Variants in HID1 observed in about 807,000 individuals in gnomAD.
The protein encoded by HID1 is HID1 domain containing, also known as protein HID1.
A neutral mutation model predicts 89.7 loss-of-function variants in HID1; 42 were observed. The observed-to-expected ratio is 0.47, with a 90% CI of 0.37 to 0.61. The LOEUF is 0.61. Among genes scored for constraint, HID1 ranks in the 20% least tolerant of loss-of-function variants. HID1 has a pLI of 0.00. For missense variants in HID1, 854 were observed against 1,039.3 expected, an observed-to-expected ratio of 0.82 and a Z score of 2.45; for synonymous variants, 442 against 433.8, an observed-to-expected ratio of 1.02 and a Z score of -0.24.
intron 14 of HID1, among the ~76,000 whole-genome samples, chr17:74,953,929 A>G (rs1482988177): frequency 2.0e-5 from 3 of 150,620 alleles, no homozygotes; most frequent in Non-Finnish European, 4.4e-5. Flanking sequence ...CAGAGTCTAC[A>G]CTCGCCCTGA....
At position 74,963,817 on chromosome 17, in the gene HID1, C is replaced by T. The variant is rs777577968; in HGVS notation, c.310G>A (p.Val104Met). 3.7e-6 allele frequency: 6 copies of T among 1,614,106 alleles called. No individual in the cohort carries two copies. Among genetic ancestry groups the T allele is most frequent in the South Asian group, 1.1e-5 (1 of 91,086 alleles). The stretch of plus-strand genomic sequence containing the variant: ...GGGTCCTCAAAGATGTAGGGCAGCA[C>T]GCGGGTGAGCAGCCGGCTGCAGTTC... ...VLNCSRLLTR[V>M]LPYIFEDPDW... The change falls in exon 3 of 19, where the codon GTG (valine) becomes ATG (methionine). Residue 104 changes from valine to methionine, a missense_variant. Physicochemically the swap from Val to Met is conservative, Grantham distance 21. Transcript: ENST00000425042.
In HID1 at chr17:74,952,885, T is replaced by G. The variant is rs1424288090; in HGVS notation, c.2052+121A>C. ...GGCTTCTATGCTAGGGTCCTTTGAT[T>G]CGGACATCTTGCCATCTTCACTGAG... On this transcript the variant is annotated intron_variant, in intron 16 of 18. Coordinates refer to ENST00000425042, the MANE Select transcript of HID1 (RefSeq NM_030630.3). 9 of 723,356 alleles carry G rather than the reference T, an allele frequency of 1.2e-5. No individual in the cohort carries two copies. The East Asian group carries it at 2.3e-4, about 18-fold the overall frequency. The allele number at this position is 723,356 out of a possible 1,614,324, so 44.8% of individuals were successfully genotyped here.
At chr17:74,969,918 T>C (rs1567966815) in intron 1 of HID1, among the ~76,000 whole-genome samples, 1 of 80,214 alleles carries the variant, frequency 1.2e-5, no homozygotes, top group Non-Finnish European at 2.8e-5. Flanking sequence ...GATTTTTCTT[T>C]TTTCTTTTTT....
At chr17:74,953,199 C>A (rs1432086466) in intron 15 of HID1, 113 bp from the exon 16 acceptor site, 2 of 925,678 alleles carry the variant, frequency 2.2e-6, no homozygotes. Context: ...GGGGAAGGCC[C>A]AGCCCAGCAG....
rs1276490305 is a variant in HID1, at chr17:74,960,074, G to A, written c.903C>T (p.Ser301=). 6.2e-7 allele frequency: 1 copy of A among 1,613,392 alleles called. No individual in the cohort carries two copies. The highest frequency in any genetic ancestry group is 2.2e-5 in the East Asian group (1 of 44,892). Residue 301 remains serine, a synonymous_variant, in exon 7 of 19, where the codon AGC becomes AGT. Transcript: ENST00000425042. Reference sequence around the variant, plus strand: ...CAGTGGTGGTGCCGTCCACAGTGGGGCTGGCACTGCTGGCACTGTCGTGGT... The same window carrying A: ...CAGTGGTGGTGCCGTCCACAGTGGGACTGGCACTGCTGGCACTGTCGTGGT... ...TLDHDSASSA[S]PTVDGTTTGT... is the part of the protein sequence containing the mutation.
rs769201694 is a variant in HID1, at chr17:74,972,635, G to T, written c.22C>A (p.Leu8Met). The T allele has an allele frequency of 6.5e-7, 1 of 1,548,872 alleles. No individual in the cohort carries two copies. Among genetic ancestry groups the T allele is most frequent in the South Asian group, 1.2e-5 (1 of 83,660 alleles). ...TGGATCACCGCCTTCCGGAAGTTCA[G>T]CTTGGAGTCGGTCGACCCCATGTCT... MGSTDSK[L>M]NFRKAVIQLT... Residue 8 changes from leucine (L) to methionine (M), a missense_variant, in exon 1 of 19, where the codon CTG becomes ATG. By Grantham distance (15) the Leu-to-Met change is conservative. Transcript: ENST00000425042. The surrounding 1 kb of genome is among the most constrained non-coding windows in gnomAD (Gnocchi z 6.4).
At chr17:74,964,741 ACCTGCTGGGGTCC>A in intron 1 of HID1, 109 bp from the exon 2 acceptor site, 2 of 1,169,224 alleles carry the variant, frequency 1.7e-6, no homozygotes, top group Non-Finnish European at 2.4e-6. Context: ...GAGTCCCCCT[ACCTGCTGGGGTCC>A]CAGAGCCATC....
intron 16 of HID1, 43 bp downstream of exon 16, chr17:74,952,963 C>T: frequency 2.6e-6 from 4 of 1,510,830 alleles, no homozygotes; most frequent in Non-Finnish European, 3.6e-6. Context: ...ACCATCTGCC[C>T]AAACCCCAGC....
In HID1 at chr17:74,961,849, G is replaced by A. The variant is rs373372729; in HGVS notation, c.728+24C>T. On this transcript the variant is annotated intron_variant, in intron 6 of 18. Coordinates refer to ENST00000425042, the MANE Select transcript of HID1 (RefSeq NM_030630.3). ...TGCCTGGAATAAGAGGGAAGAGAGCGCAGAAAGGCCAAGGGCCCTTCACCT... is the reference window on the plus strand; with the variant it reads ...TGCCTGGAATAAGAGGGAAGAGAGCACAGAAAGGCCAAGGGCCCTTCACCT... The A allele has an allele frequency of 1.1e-5, 15 of 1,364,078 alleles. No homozygotes were observed. In the African/African-American group the frequency reaches 1.8e-4, roughly 17 times the overall value. The allele number at this position is 1,364,078 out of a possible 1,614,324, so 84.5% of individuals were successfully genotyped here. A position where few individuals can be genotyped will look rare whatever the true frequency, so the allele number is the denominator to read the frequency against.
chr17:74,952,288 C>T lies in HID1; in HGVS notation c.2125G>A (p.Glu709Lys). The T allele has an allele frequency of 6.2e-7, 1 of 1,613,676 alleles. No individual in the cohort carries two copies. Among genetic ancestry groups the T allele is most frequent in the Non-Finnish European group, 8.5e-7 (1 of 1,179,806 alleles). Residue 709 changes from glutamate to lysine, a missense_variant, in exon 17 of 19, where the codon GAG becomes AAG. Physicochemically the swap from Glu to Lys is moderately conservative, Grantham distance 56. Coordinates refer to ENST00000425042, the MANE Select transcript of HID1 (RefSeq NM_030630.3). ...ACTCACTTGTCAATGCAGATCTTCT[C>T]CACCTGCGGAACCAGCACCTGCAGC... is the stretch of plus-strand genomic sequence containing the variant. ...RLLQVLVPQV[E>K]KICIDKGLTD... is the part of the protein sequence containing the mutation.
Position 74,955,940 on chromosome 17 carries a change from CTTGAGGTAGGGGG to C in HID1, c.1475_1487del (p.Ser492Ter). On this transcript the variant is annotated frameshift_variant, in exon 13 of 19. Transcript: ENST00000425042. LOFTEE classifies it high-confidence loss of function. ...TGTTGGCAGTCACCATGGACAGGCT[CTTGAGGTAGGGGG>C]ACACTGTAAGGGAGGGGTCAGCTCA... is the stretch of plus-strand genomic sequence containing the variant. 6.2e-7 allele frequency: 1 copy of C among 1,613,960 alleles called. No individual in the cohort carries two copies. The highest frequency in any genetic ancestry group is 8.5e-7 in the Non-Finnish European group (1 of 1,179,932).
chr17:74,951,869 T>C, intron 18 of HID1, 36 bp downstream of exon 18: 1 of 1,482,634 alleles, frequency 6.7e-7, no homozygotes, highest in Non-Finnish European at 9.0e-7. Flanking sequence ...CTGGGCAGGC[T>C]CTCAGGTGGA....
At chr17:74,965,844 G>A (rs985054014) in intron 1 of HID1, among the ~76,000 whole-genome samples, 1 of 151,956 alleles carries the variant, frequency 6.6e-6, no homozygotes, top group Non-Finnish European at 1.5e-5. Flanking sequence ...TTGAACCCAG[G>A]AGGCAGAGGT....
At chr17:74,966,175 C>G (rs1334645100) in intron 1 of HID1, among the ~76,000 whole-genome samples, 1 of 148,350 alleles carries the variant, frequency 6.7e-6, no homozygotes, top group African/African-American at 2.5e-5. Flanking sequence ...ATCCCAGCTA[C>G]TCAGGAGGCT....
At position 74,959,825 on chromosome 17, in the gene HID1, CTG is replaced by C; in HGVS notation, c.1008+54_1008+55del. The C allele has an allele frequency of 2.5e-6, 4 of 1,572,764 alleles. No individual in the cohort carries two copies. Among genetic ancestry groups the C allele is most frequent in the Non-Finnish European group, 2.6e-6 (3 of 1,143,640 alleles). ...GGAGGGGTCAGGATCCCCCATATCC[CTG>C]TCTCACTTGCATCCCCCTGCACCCT... On this transcript the variant is annotated intron_variant, in intron 8 of 18. Transcript: ENST00000425042. The surrounding 1 kb of genome is among the most constrained non-coding windows in gnomAD (Gnocchi z 4.6).
At chr17:74,969,317 C>G (rs1308307128) in intron 1 of HID1, among the ~76,000 whole-genome samples, 1 of 152,084 alleles carries the variant, frequency 6.6e-6, no homozygotes, top group African/African-American at 2.4e-5. Context: ...GCCTCAGCCC[C>G]CGGGATTACA....
At chr17:74,953,492 G>A in intron 15 of HID1, 53 bp downstream of exon 15, 1 of 1,468,872 alleles carries the variant, frequency 6.8e-7, no homozygotes, top group African/African-American at 1.4e-5. Flanking sequence ...GCAGAGACCA[G>A]GGAGGAAGGG....
At chr17:74,951,672 C>T (rs755538333) in intron 18 of HID1, 39 bp from the exon 19 acceptor site, 1 of 1,587,414 alleles carries the variant, frequency 6.3e-7, no homozygotes, top group Middle Eastern at 1.7e-4. Flanking sequence ...TGCTGGGGCA[C>T]CTTGCAGACA....
rs762569861 is a variant in HID1 at position 74,958,078 on chromosome 17, G to A, written c.1471+63C>T. The A allele has an allele frequency of 6.8e-7, 1 of 1,470,482 alleles. No individual in the cohort carries two copies. Among genetic ancestry groups the A allele is most frequent in the Non-Finnish European group, 9.3e-7 (1 of 1,078,078 alleles). 91.1% of individuals were successfully genotyped at this position (1,470,482 alleles called of 1,614,324 possible). A position where few individuals can be genotyped will look rare whatever the true frequency, so the allele number is the denominator to read the frequency against. On this transcript the variant is annotated intron_variant, in intron 12 of 18. Coordinates refer to ENST00000425042, the MANE Select transcript of HID1 (RefSeq NM_030630.3). This position sits in a 1 kb window ranked among gnomAD's most constrained non-coding sequence, Gnocchi z 5.2. The stretch of plus-strand genomic sequence containing the variant: ...GCTTGAAACCTGGAGCAAGTGGCAG[G>A]TTGGCCTGTGGCCTGACACCACCTG...
Sources: allele counts gnomAD v4.1 joint callset (sites outside exome capture counted in the v4.1 genomes callset), GRCh38; gene constraint gnomAD v4.1.1; non-coding constraint Gnocchi (gnomAD v3.1); transcripts MANE v1.5; gene names NCBI Gene and HGNC (gene_info 2026-07-23, HGNC 2026-07-21).